Variants in ASTN2 observed in about 807,000 individuals in gnomAD.
The protein encoded by ASTN2 is astrotactin 2.
Under a neutral mutation model 139.8 loss-of-function variants are expected in ASTN2, and 54 were observed. The ratio of observed to expected loss-of-function variants is 0.39; its 90% CI spans 0.31 to 0.48. The LOEUF (loss-of-function observed/expected upper bound fraction) is 0.48. Ranked by LOEUF, ASTN2 falls within the 20% of genes least tolerant of loss-of-function variation. The pLI, the probability that ASTN2 is intolerant of heterozygous loss-of-function variation, is 0.95. For synonymous variants in ASTN2, 756 were observed against 719.5 expected (o/e 1.05, Z -0.81); for missense variants, 1,565 against 1,725.1 (o/e 0.91, Z 1.64).
chr9:116,526,275 T>C (rs1256449994), intron 19 of ASTN2, among the ~76,000 whole-genome samples: 1 of 152,172 alleles, frequency 6.6e-6, no homozygotes, highest in Non-Finnish European at 1.5e-5. Context: ...GCCTGTAATA[T>C]GGGAATAATC....
At chr9:117,399,795 G>C (rs1026052318) in intron 1 of ASTN2, among the ~76,000 whole-genome samples, 1 of 152,154 alleles carries the variant, frequency 6.6e-6, no homozygotes, top group Non-Finnish European at 1.5e-5. Flanking sequence ...AATTGGTTTA[G>C]ATTAGGAAAT....
chr9:116,604,865 A>T (rs781765883), intron 19 of ASTN2, among the ~76,000 whole-genome samples: 1 of 152,178 alleles, frequency 6.6e-6, no homozygotes, highest in East Asian at 1.9e-4. Flanking sequence ...ATCCTTAATG[A>T]TAACAGGGAC....
At chr9:116,588,699 C>T (rs1854259631) in intron 19 of ASTN2, among the ~76,000 whole-genome samples, 1 of 152,064 alleles carries the variant, frequency 6.6e-6, no homozygotes, top group Non-Finnish European at 1.5e-5. Context: ...TTTTCTCTGA[C>T]ACCTATTCAC....
At chr9:116,496,060 T>C (rs1262342080) in intron 19 of ASTN2, among the ~76,000 whole-genome samples, 2 of 152,184 alleles carry the variant, frequency 1.3e-5, no homozygotes, top group Non-Finnish European at 2.9e-5. Context: ...CTTGCTCAAA[T>C]GTCACTTGCT....
At chr9:116,887,278 C>T (rs1032620415) in intron 10 of ASTN2, among the ~76,000 whole-genome samples, 5 of 151,848 alleles carry the variant, frequency 3.3e-5, no homozygotes, top group East Asian at 1.9e-4. Context: ...GCAAGCACAT[C>T]GTATAAAGTC....
chr9:116,610,425 C>T (rs964546126), intron 19 of ASTN2, among the ~76,000 whole-genome samples: 7 of 151,838 alleles, frequency 4.6e-5, no homozygotes, highest in Non-Finnish European at 1.0e-4. Context: ...GCCAACATGG[C>T]GAAACCCCAT....
At chr9:117,097,853 A>G (rs913247132) in intron 4 of ASTN2, among the ~76,000 whole-genome samples, 1 of 152,234 alleles carries the variant, frequency 6.6e-6, no homozygotes, top group African/African-American at 2.4e-5. Context: ...TTTTTCTGCA[A>G]TATGGTTATT....
chr9:116,430,418 C>A (rs1847458980), intron 22 of ASTN2, among the ~76,000 whole-genome samples: 1 of 152,148 alleles, frequency 6.6e-6, no homozygotes, highest in Non-Finnish European at 1.5e-5. Flanking sequence ...GGTTCATGAG[C>A]AAATTATTCA....
chr9:116,733,144 C>T (rs536820523), intron 14 of ASTN2, among the ~76,000 whole-genome samples: 100 of 152,344 alleles, frequency 6.6e-4, no homozygotes, highest in Non-Finnish European at 1.2e-3. Context: ...TGAGAAAAAT[C>T]GTTCCTGTTC....
At chr9:116,512,990 G>A (rs1850467889) in intron 19 of ASTN2, among the ~76,000 whole-genome samples, 1 of 152,142 alleles carries the variant, frequency 6.6e-6, no homozygotes, top group Admixed American at 6.5e-5. Flanking sequence ...GGAGCATTTA[G>A]CCCATTTACA....
chr9:117,213,662 G>A (rs888206469), intron 3 of ASTN2, among the ~76,000 whole-genome samples: 5 of 152,126 alleles, frequency 3.3e-5, no homozygotes, highest in Non-Finnish European at 7.4e-5. Flanking sequence ...TGCATCAATA[G>A]AAGTATAACA....
At chr9:117,129,919 A>AT (rs1317500011) in intron 4 of ASTN2, among the ~76,000 whole-genome samples, 1 of 151,970 alleles carries the variant, frequency 6.6e-6, no homozygotes, top group Non-Finnish European at 1.5e-5. Flanking sequence ...CAAAATATAT[A>AT]TTTTTCCTTT....
At chr9:116,720,042 G>A (rs566823197) in intron 16 of ASTN2, among the ~76,000 whole-genome samples, 52 of 152,264 alleles carry the variant, frequency 3.4e-4, no homozygotes, top group Admixed American at 3.2e-3. Context: ...TGAAGGCTCT[G>A]GAGAATTATC....
At chr9:117,150,446 G>A (rs1830302747) in intron 3 of ASTN2, among the ~76,000 whole-genome samples, 2 of 152,278 alleles carry the variant, frequency 1.3e-5, no homozygotes, top group East Asian at 1.9e-4. Flanking sequence ...GGAAAAAAGG[G>A]TCAAGTAAGT....
chr9:116,539,555 T>C (rs1447404720), intron 19 of ASTN2, among the ~76,000 whole-genome samples: 1 of 152,184 alleles, frequency 6.6e-6, no homozygotes, highest in African/African-American at 2.4e-5. Context: ...ACAAGAACGA[T>C]GCACAGTAGT....
At chr9:117,208,735 G>T (rs564504274) in intron 3 of ASTN2, among the ~76,000 whole-genome samples, 27 of 152,122 alleles carry the variant, frequency 1.8e-4, no homozygotes, top group African/African-American at 5.3e-4. Context: ...AACAAAATCA[G>T]CAAGAGAAAA....
In ASTN2 at chr9:116,425,164, T is replaced by C. The variant is rs930858933; in HGVS notation, c.*687A>G. On this transcript the variant is annotated 3_prime_UTR_variant, in exon 23 of 23. Coordinates refer to ENST00000313400, the MANE Select transcript of ASTN2 (RefSeq NM_001365068.1). ...TGACTGGCACAGGGTAGATACTCAA[T>C]AAGTGAATAAACAGAGGTCTCTCAA... The C allele has an allele frequency of 4.5e-6, 1 of 219,964 alleles. No individual in the cohort carries two copies. The highest frequency in any genetic ancestry group is 8.8e-6 in the Non-Finnish European group (1 of 113,290). 13.6% of individuals were successfully genotyped at this position (219,964 alleles called of 1,614,324 possible).
At chr9:117,028,459 A>G (rs1272896092) in intron 6 of ASTN2, among the ~76,000 whole-genome samples, 1 of 152,110 alleles carries the variant, frequency 6.6e-6, no homozygotes, top group Non-Finnish European at 1.5e-5. Flanking sequence ...TATTCCTCCC[A>G]TCTTATCCTT....
chr9:116,926,102 G>A (rs529146543), intron 10 of ASTN2, among the ~76,000 whole-genome samples: 4 of 151,678 alleles, frequency 2.6e-5, no homozygotes, highest in Admixed American at 1.3e-4. Context: ...TCCCATCCTG[G>A]CCTCCCAGAA....
Sources: gnomAD v4.1 joint callset for allele counts (sites outside exome capture counted in the v4.1 genomes callset) on GRCh38, gnomAD v4.1.1 for gene constraint, MANE v1.5 for transcripts, NCBI Gene and HGNC (gene_info 2026-07-23, HGNC 2026-07-21) for gene names.